FBXL4: variants seen among roughly 807,000 people sequenced by gnomAD.
The protein encoded by FBXL4 is F-box and leucine rich repeat protein 4, also known as F-box/LRR-repeat protein 4.
A neutral mutation model predicts 58.9 loss-of-function variants in FBXL4; 40 were observed. The ratio of observed to expected loss-of-function variants is 0.68; its 90% CI spans 0.53 to 0.88. FBXL4 has a LOEUF of 0.88. Among genes scored for constraint, FBXL4 ranks in the 40% least tolerant of loss-of-function variants. The probability of loss-of-function intolerance (pLI) is 0.00; values close to 1 mark genes in which losing one functional copy is unlikely to be tolerated. For missense variants in FBXL4, 676 were observed against 734.4 expected, an observed-to-expected ratio of 0.92 and a Z score of 0.92; for synonymous variants, 263 against 265.5, an observed-to-expected ratio of 0.99 and a Z score of 0.09.
At position 98,871,895 on chromosome 6, in the gene FBXL4, G is replaced by A. The variant is rs1411317169; in HGVS notation, c.*2383C>T. 1 of 152,160 alleles carries A rather than the reference G, an allele frequency of 6.6e-6. No homozygotes were observed. The highest frequency in any genetic ancestry group is 1.5e-5 in the Non-Finnish European group (1 of 68,024). 9.4% of individuals were successfully genotyped at this position (152,160 alleles called of 1,614,324 possible). On this transcript the variant is annotated 3_prime_UTR_variant, in exon 10 of 10. Transcript: ENST00000369244. ...GACATTTTTCTGAAAAAGAAGACAT[G>A]TCCTCAATCACTATTATGGAACACT...
At chr6:98,945,998 G>C (rs984994372) in intron 1 of FBXL4, among the ~76,000 whole-genome samples, 2 of 152,170 alleles carry the variant, frequency 1.3e-5, no homozygotes, top group Non-Finnish European at 2.9e-5. Flanking sequence ...ATTTTAAAGG[G>C]GGGAGGGAGG....
Position 98,929,584 on chromosome 6 carries a change from A to AAAAG in FBXL4, c.-190-1766_-190-1763dup, listed in dbSNP as rs1554222684. On this transcript the variant is annotated intron_variant, in intron 2 of 9. Transcript: ENST00000369244. Reference sequence around the variant, plus strand: ...AAAACTCCGTCTCAAAAAAAAAAAAAAAAGAAAGAAAGAAAGTCAATGAGC... The same window carrying AAAAG: ...AAAACTCCGTCTCAAAAAAAAAAAAAAAAGAAAGAAAGAAAGAAAGTCAATGAGC... Among the ~76,000 whole-genome samples, 682 of 151,650 alleles carry AAAAG rather than the reference A, an allele frequency of 4.5e-3. 8 individuals carry two copies. Among genetic ancestry groups the AAAAG allele is most frequent in the African/African-American group, 0.015 (638 of 41,202 alleles).
At chr6:98,910,376 G>A (rs117195363) in intron 5 of FBXL4, among the ~76,000 whole-genome samples, 1,551 of 152,246 alleles carry the variant, frequency 0.01, 22 homozygotes, top group Non-Finnish European at 0.017. Context: ...ATTCCAGGCC[G>A]GGCACGGTGG....
chr6:98,913,789 A>T (rs1015823174), intron 5 of FBXL4, among the ~76,000 whole-genome samples: 1 of 152,238 alleles, frequency 6.6e-6, no homozygotes, highest in African/African-American at 2.4e-5. Context: ...TTCAAAAGAT[A>T]GCAGAAGGCA....
chr6:98,898,219 C>A (rs575812667), intron 7 of FBXL4: 26 of 908,064 alleles, frequency 2.9e-5, no homozygotes, highest in Non-Finnish European at 3.4e-5. Context: ...GGCAAAAAAA[C>A]AAAAGCCCTG....
chr6:98,912,204 C>T (rs539829228), intron 5 of FBXL4, among the ~76,000 whole-genome samples: 31 of 152,126 alleles, frequency 2.0e-4, no homozygotes, highest in Admixed American at 3.3e-4. Context: ...GTCTGATTGG[C>T]GTACCTGAAA....
chr6:98,877,430 CAGTG>C (rs1032158251), intron 8 of FBXL4, among the ~76,000 whole-genome samples: 2 of 152,170 alleles, frequency 1.3e-5, no homozygotes, highest in African/African-American at 4.8e-5. Context: ...GCATAGAACA[CAGTG>C]AGAAATTCCT....
chr6:98,888,571 G>A (rs1175046488), intron 7 of FBXL4, among the ~76,000 whole-genome samples: 1 of 151,870 alleles, frequency 6.6e-6, no homozygotes, highest in Non-Finnish European at 1.5e-5. Flanking sequence ...GTATCTTTCA[G>A]GTCCCCAAGT....
chr6:98,885,443 A>G lies in FBXL4; in HGVS notation c.1318-4819T>C, dbSNP rs1364069052. 3.5e-3 allele frequency among the ~76,000 whole-genome samples: 540 copies of G among 152,296 alleles called. 3 individuals are homozygous for G. Among genetic ancestry groups the G allele is most frequent in the African/African-American group, 0.012 (519 of 41,562 alleles). On this transcript the variant is annotated intron_variant, in intron 7 of 9. Coordinates refer to ENST00000369244, the MANE Select transcript of FBXL4 (RefSeq NM_001278716.2). ...GAGGTTGTTTTTGGATGAGATTAAC[A>G]TTTAAATCAGTAGACTGAATAAAGC... is the stretch of plus-strand genomic sequence containing the variant.
intron 6 of FBXL4, among the ~76,000 whole-genome samples, chr6:98,900,224 T>A (rs1189733540): frequency 6.6e-6 from 1 of 152,144 alleles, no homozygotes. Flanking sequence ...AAAGTAAACA[T>A]GAATCTAGGA....
At chr6:98,894,455 G>GA (rs1771343037) in intron 7 of FBXL4, among the ~76,000 whole-genome samples, 1 of 151,746 alleles carries the variant, frequency 6.6e-6, no homozygotes, top group Non-Finnish European at 1.5e-5. Flanking sequence ...AATTCAGGAG[G>GA]AAAAAAAATT....
Position 98,917,721 on chromosome 6 carries a change from T to C in FBXL4, c.513-2A>G. 1.9e-6 allele frequency: 3 copies of C among 1,579,896 alleles called. No individual in the cohort carries two copies. Among genetic ancestry groups the C allele is most frequent in the Non-Finnish European group, 1.7e-6 (2 of 1,167,036 alleles). ...CTCTCTGACCAAAGAATCTCCCATC[T>C]GCCAAAAAAAGAAACTTCCCTATAA... On this transcript the variant is annotated splice_acceptor_variant, in intron 4 of 9. Coordinates refer to ENST00000369244, the MANE Select transcript of FBXL4 (RefSeq NM_001278716.2). LOFTEE classifies it high-confidence loss of function.
chr6:98,879,348 T>C (rs981334767), intron 8 of FBXL4, among the ~76,000 whole-genome samples: 12 of 152,158 alleles, frequency 7.9e-5, no homozygotes, highest in African/African-American at 1.4e-4. Flanking sequence ...TAAACCTACA[T>C]TGTTTTAGGG....
At chr6:98,875,120 G>A in intron 9 of FBXL4, 1 of 310,304 alleles carries the variant, frequency 3.2e-6, no homozygotes, top group Non-Finnish European at 5.9e-6. Flanking sequence ...TAAAAATAGA[G>A]AGCGCAGCTC....
chr6:98,881,298 G>T (rs1027558237), intron 7 of FBXL4, among the ~76,000 whole-genome samples: 2 of 152,002 alleles, frequency 1.3e-5, no homozygotes, highest in Admixed American at 6.6e-5. Flanking sequence ...GAAACCCAAA[G>T]ACTGCTACAT....
intron 7 of FBXL4, among the ~76,000 whole-genome samples, chr6:98,887,296 T>C (rs1342530935): frequency 6.6e-6 from 1 of 151,930 alleles, no homozygotes; most frequent in Non-Finnish European, 1.5e-5. Context: ...AGTAAGATAA[T>C]GGTAAGAAAA....
At chr6:98,877,213 C>A (rs978723089) in intron 8 of FBXL4, among the ~76,000 whole-genome samples, 6 of 151,866 alleles carry the variant, frequency 4.0e-5, no homozygotes, top group African/African-American at 1.5e-4. Context: ...TGGAATCATG[C>A]GGAAGTCTAT....
At position 98,875,495 on chromosome 6, in the gene FBXL4, G is replaced by GT. The variant is rs1312430975; in HGVS notation, c.1621dup (p.Thr541AsnfsTer3). The GT allele has an allele frequency of 6.2e-7, 1 of 1,614,138 alleles. No homozygotes were observed. The highest frequency in any genetic ancestry group is 8.5e-7 in the Non-Finnish European group (1 of 1,179,994). The stretch of plus-strand genomic sequence containing the variant: ...TGTGTCACACACAGATCTATTAGCT[G>GT]TAAGAAAGAGTTTTTGCAAGTTTGG... On this transcript the variant is annotated frameshift_variant, in exon 9 of 10. Coordinates refer to ENST00000369244, the MANE Select transcript of FBXL4 (RefSeq NM_001278716.2). LOFTEE classifies it high-confidence loss of function.
At chr6:98,933,861 T>C (rs984343808) in intron 2 of FBXL4, among the ~76,000 whole-genome samples, 1 of 152,080 alleles carries the variant, frequency 6.6e-6, no homozygotes. Flanking sequence ...CTAAGGCACA[T>C]GTAAACCAAA....
Sources: allele counts gnomAD v4.1 joint callset (sites outside exome capture counted in the v4.1 genomes callset), GRCh38; gene constraint gnomAD v4.1.1; transcripts MANE v1.5; gene names NCBI Gene and HGNC (gene_info 2026-07-23, HGNC 2026-07-21).